Variants in NFASC observed in about 807,000 individuals in gnomAD.
The protein encoded by NFASC is neurofascin.
NFASC carries 43 observed loss-of-function variants against 147.5 expected under a neutral mutation model. The observed-to-expected ratio is 0.29, with a 90% confidence interval of 0.23 to 0.38. The LOEUF is 0.38. Ranked by LOEUF, NFASC falls within the 10% of genes least tolerant of loss-of-function variation. The pLI is 1.00. For missense variants in NFASC, 1,320 were observed against 1,689.0 expected, an observed-to-expected ratio of 0.78 and a Z score of 3.83; for synonymous variants, 622 against 665.5, an observed-to-expected ratio of 0.93 and a Z score of 1.01.
chr1:204,920,820 T>C (rs1461188922), intron 2 of NFASC, 80 bp downstream of exon 2: 2 of 607,130 alleles, frequency 3.3e-6, no homozygotes, highest in East Asian at 1.4e-4. Context: ...GCCCCTTCTC[T>C]TTGATAAGGG....
rs2096341340 is a variant in NFASC, at chr1:205,015,565, G to A, written c.3492-743G>A. 6.6e-6 allele frequency among the ~76,000 whole-genome samples: 1 copy of A among 152,124 alleles called. No homozygotes were observed. ...CCTCCCAGCTCTCCCTGCACAAGGG[G>A]AGCTTAGGGTCAGGGCCTATGGGCC... is the stretch of plus-strand genomic sequence containing the variant. On this transcript the variant is annotated intron_variant, in intron 29 of 29. Transcript: ENST00000339876. The surrounding 1 kb of genome is among the most constrained non-coding windows in gnomAD (Gnocchi z 4.0).
chr1:204,879,835 G>C (rs1027131999), intron 1 of NFASC, among the ~76,000 whole-genome samples: 2 of 152,174 alleles, frequency 1.3e-5, no homozygotes, highest in Admixed American at 6.6e-5. Flanking sequence ...AGGGAGAAGA[G>C]CTGTGGGAAT....
intron 1 of NFASC, among the ~76,000 whole-genome samples, chr1:204,884,008 G>A (rs891273162): frequency 7.9e-5 from 12 of 152,268 alleles, no homozygotes; most frequent in Middle Eastern, 3.4e-3. Context: ...ACAGTGCCTC[G>A]ACATCTTGGT....
chr1:204,991,754 A>G (rs1264790334), intron 24 of NFASC, among the ~76,000 whole-genome samples: 1 of 152,210 alleles, frequency 6.6e-6, no homozygotes, highest in Non-Finnish European at 1.5e-5. Flanking sequence ...ATCTCCTGAA[A>G]GGGTGAACAT....
chr1:204,989,744 G>C (rs550019747), intron 23 of NFASC: 2 of 152,396 alleles, frequency 1.3e-5, no homozygotes, highest in Admixed American at 1.3e-4. Context: ...TCTAGAGGGG[G>C]AGTCATCTAT....
intron 1 of NFASC, among the ~76,000 whole-genome samples, chr1:204,869,557 A>G (rs1191858121): frequency 1.3e-5 from 2 of 152,218 alleles, no homozygotes; most frequent in Non-Finnish European, 2.9e-5. Flanking sequence ...TTAAGAGTAC[A>G]GGCCAGTTTC....
intron 2 of NFASC, among the ~76,000 whole-genome samples, chr1:204,926,684 G>A (rs912145761): frequency 1.3e-5 from 2 of 151,046 alleles, no homozygotes; most frequent in South Asian, 2.1e-4. Flanking sequence ...AAAGTGCTGG[G>A]ATTACAGGCG....
At chr1:204,838,642 G>T (rs1674461404) in intron 1 of NFASC, among the ~76,000 whole-genome samples, 1 of 152,302 alleles carries the variant, frequency 6.6e-6, no homozygotes, top group East Asian at 1.9e-4. Context: ...AGCTGGCTGT[G>T]GGGTGAGGTG....
intron 1 of NFASC, among the ~76,000 whole-genome samples, chr1:204,846,895 G>T (rs532600300): frequency 1.3e-5 from 2 of 152,026 alleles, no homozygotes; most frequent in Non-Finnish European, 2.9e-5. Context: ...TTTTGCCCCA[G>T]TCTACCCTAG....
chr1:205,015,708 G>T lies in NFASC; in HGVS notation c.3492-600G>T, dbSNP rs1310774629. Among the ~76,000 whole-genome samples the T allele has an allele frequency of 6.6e-6, 1 of 152,062 alleles. No homozygotes were observed. Among genetic ancestry groups the T allele is most frequent in the African/African-American group, 2.4e-5 (1 of 41,400 alleles). On this transcript the variant is annotated intron_variant, in intron 29 of 29. Coordinates refer to ENST00000339876, the MANE Select transcript of NFASC (RefSeq NM_001005388.3). This position sits in a 1 kb window ranked among gnomAD's most constrained non-coding sequence, Gnocchi z 4.0. ...ACTCTTGCGCACCTGTGCTTGCTAG[G>T]CCCAAAGCAATAACATCTTTTTATA...
chr1:205,011,510 G>C (rs917779952), intron 28 of NFASC, among the ~76,000 whole-genome samples: 2 of 152,202 alleles, frequency 1.3e-5, no homozygotes, highest in Non-Finnish European at 2.9e-5. Flanking sequence ...TGGAATACTG[G>C]AAGAACCCAG....
Position 204,988,980 on chromosome 1 carries a change from T to C in NFASC, c.2767+174T>C, listed in dbSNP as rs150193981. 5.0e-5 allele frequency: 32 copies of C among 640,190 alleles called. No homozygotes were observed. The East Asian group carries it at 8.5e-4, about 17-fold the overall frequency. 39.7% of individuals were successfully genotyped at this position (640,190 alleles called of 1,614,324 possible). A position where few individuals can be genotyped will look rare whatever the true frequency, so the allele number is the denominator to read the frequency against. ...ATGTGTGAGAGGTAGGTGCTGGCAT[T>C]GTATCTGGAGCTCAGCTCTCCTTGG... On this transcript the variant is annotated intron_variant, in intron 23 of 29. Coordinates refer to ENST00000339876, the MANE Select transcript of NFASC (RefSeq NM_001005388.3).
intron 1 of NFASC, among the ~76,000 whole-genome samples, chr1:204,839,403 ACACACACACACACACG>A (rs1674654040): frequency 8.1e-6 from 1 of 124,178 alleles, no homozygotes; most frequent in African/African-American, 3.2e-5. Flanking sequence ...ACACACACAC[ACACACACACACACACG>A]ATAGGGAAAA....
chr1:204,843,985 G>C (rs748300190), intron 1 of NFASC, among the ~76,000 whole-genome samples: 4 of 152,128 alleles, frequency 2.6e-5, no homozygotes, highest in Non-Finnish European at 5.9e-5. Context: ...TGATCCGCTT[G>C]CTTCGGCCTC....
chr1:204,960,954 A>G lies in NFASC; in HGVS notation c.706+3128A>G, dbSNP rs2094634079. The stretch of plus-strand genomic sequence containing the variant: ...GAAAAGGACTCTCATACTTCTTGCA[A>G]CTAGTTGTAATGGGATTGGATCTGT... On this transcript the variant is annotated intron_variant, in intron 8 of 29. Coordinates refer to ENST00000339876, the MANE Select transcript of NFASC (RefSeq NM_001005388.3). 2.6e-5 allele frequency among the ~76,000 whole-genome samples: 4 copies of G among 152,236 alleles called. No individual in the cohort carries two copies. The South Asian group carries it at 8.3e-4, about 31-fold the overall frequency.
At chr1:204,829,325 T>G (rs1671539056) in intron 1 of NFASC, among the ~76,000 whole-genome samples, 1 of 151,506 alleles carries the variant, frequency 6.6e-6, no homozygotes, top group South Asian at 2.1e-4. Context: ...CCTTCCCAGC[T>G]GCCTCTTGGT....
At chr1:204,977,647 C>T (rs1367107679) in intron 16 of NFASC, 34 bp from the exon 17 acceptor site, 2 of 1,602,516 alleles carry the variant, frequency 1.2e-6, no homozygotes, top group Admixed American at 1.7e-5. Flanking sequence ...GCTGGATAAC[C>T]TGCTAACCTG....
At chr1:205,000,940 C>T (rs2150866453) in intron 25 of NFASC, 2 of 576,170 alleles carry the variant, frequency 3.5e-6, no homozygotes, top group East Asian at 6.0e-5. Flanking sequence ...CTGCTTGTCC[C>T]TGGACAGCGA....
At chr1:204,852,085 T>C (rs16854537) in intron 1 of NFASC, among the ~76,000 whole-genome samples, 29,223 of 152,092 alleles carry the variant, frequency 0.19, 4,067 homozygotes, top group East Asian at 0.53. Flanking sequence ...AGAACTAAAA[T>C]CAGAGAGCAG....
Sources: gnomAD v4.1 joint callset for allele counts (sites outside exome capture counted in the v4.1 genomes callset) on GRCh38, gnomAD v4.1.1 for gene constraint, Gnocchi (gnomAD v3.1) non-coding constraint, MANE v1.5 for transcripts, NCBI Gene and HGNC (gene_info 2026-07-23, HGNC 2026-07-21) for gene names.